The following SPON1 variants were observed in gnomAD, a reference collection of about 807,000 sequenced individuals.
SPON1 encodes the protein spondin-1.
In SPON1, 52 loss-of-function variants were observed where a neutral mutation model predicts 111.7. The ratio of observed to expected loss-of-function variants is 0.47; its 90% CI spans 0.37 to 0.59. SPON1 has a LOEUF of 0.59. Among genes scored for constraint, SPON1 ranks in the 20% least tolerant of loss-of-function variants. SPON1 has a pLI of 0.00. For synonymous variants in SPON1, 410 were observed against 395.8 expected (o/e 1.04, Z -0.43); for missense variants, 957 against 1,068.5 (o/e 0.90, Z 1.46).
At chr11:14,091,879 G>A (rs1251655322) in intron 5 of SPON1, among the ~76,000 whole-genome samples, 1 of 152,186 alleles carries the variant, frequency 6.6e-6, no homozygotes, top group East Asian at 1.9e-4. Context: ...CTGCCAGCAC[G>A]CTGTCACCTC....
At chr11:14,075,918 G>T (rs1469504277) in intron 4 of SPON1, among the ~76,000 whole-genome samples, 2 of 152,098 alleles carry the variant, frequency 1.3e-5, no homozygotes, top group Non-Finnish European at 2.9e-5. Context: ...CCTTAGATTT[G>T]CAAACTTATC....
intron 5 of SPON1, among the ~76,000 whole-genome samples, chr11:14,103,181 T>G (rs1306440389): frequency 1.3e-5 from 2 of 152,140 alleles, no homozygotes; most frequent in Non-Finnish European, 2.9e-5. Context: ...TTTCTTCTAC[T>G]GGGTAACTTA....
chr11:14,202,216 C>T (rs951638459), intron 6 of SPON1, among the ~76,000 whole-genome samples: 1 of 152,172 alleles, frequency 6.6e-6, no homozygotes, highest in Non-Finnish European at 1.5e-5. Context: ...AGAGGGACAC[C>T]TAACATCAGC....
In SPON1 at chr11:14,075,328, G is replaced by T; in HGVS notation, c.480-17G>T. The T allele has an allele frequency of 6.4e-7, 1 of 1,552,872 alleles. No homozygotes were observed. Among genetic ancestry groups the T allele is most frequent in the Non-Finnish European group, 8.7e-7 (1 of 1,146,780 alleles). On this transcript the variant is annotated splice_polypyrimidine_tract_variant and intron_variant, in intron 3 of 15. Coordinates refer to ENST00000576479, the MANE Select transcript of SPON1 (RefSeq NM_006108.4). ...CTGCCCTCCTCACCACTGTGCTTGG[G>T]TCTTCTTTCTTCACAGGGCCAGCAT...
At chr11:14,148,961 G>A (rs1396087200) in intron 6 of SPON1, among the ~76,000 whole-genome samples, 2 of 152,202 alleles carry the variant, frequency 1.3e-5, no homozygotes, top group Non-Finnish European at 2.9e-5. Context: ...TTCAGTCAAC[G>A]ACAGACTGCA....
chr11:14,158,216 G>T (rs1847871580), intron 6 of SPON1, among the ~76,000 whole-genome samples: 1 of 152,060 alleles, frequency 6.6e-6, no homozygotes, highest in South Asian at 2.1e-4. Context: ...TTTACTTATG[G>T]TTCACTCTTA....
At chr11:14,153,405 G>T (rs1293478585) in intron 6 of SPON1, among the ~76,000 whole-genome samples, 1 of 152,132 alleles carries the variant, frequency 6.6e-6, no homozygotes, top group African/African-American at 2.4e-5. Context: ...GAAGGTGAAG[G>T]GGAAGCCAGC....
intron 3 of SPON1, among the ~76,000 whole-genome samples, chr11:14,053,106 C>T (rs188716494): frequency 3.2e-4 from 49 of 152,256 alleles, no homozygotes; most frequent in African/African-American, 9.9e-4. Flanking sequence ...GGGATCAAAA[C>T]GGAATGTTTC....
intron 6 of SPON1, among the ~76,000 whole-genome samples, chr11:14,219,650 C>A (rs1554937419): frequency 6.6e-6 from 1 of 152,118 alleles, no homozygotes; most frequent in Admixed American, 6.5e-5. Context: ...GTCTGCATGA[C>A]CTCTAGAAAG....
intron 3 of SPON1, among the ~76,000 whole-genome samples, chr11:14,050,470 A>G (rs782412875): frequency 5.3e-5 from 8 of 152,214 alleles, no homozygotes; most frequent in Non-Finnish European, 1.0e-4. Flanking sequence ...TGGAGACCAT[A>G]TGTCCTGCAA....
At chr11:14,059,873 A>G (rs2133822588) in intron 3 of SPON1, among the ~76,000 whole-genome samples, 1 of 152,206 alleles carries the variant, frequency 6.6e-6, no homozygotes, top group South Asian at 2.1e-4. Flanking sequence ...GCTTCTGCTA[A>G]TTGTGTTGTC....
intron 2 of SPON1, among the ~76,000 whole-genome samples, chr11:13,990,824 C>T (rs1352450660): frequency 1.3e-5 from 2 of 152,112 alleles, no homozygotes; most frequent in South Asian, 2.1e-4. Flanking sequence ...TTCTCCTTCA[C>T]TTATGAAGCT....
intron 6 of SPON1, among the ~76,000 whole-genome samples, chr11:14,185,399 G>A (rs190314624): frequency 3.7e-4 from 57 of 152,086 alleles, no homozygotes; most frequent in Middle Eastern, 3.4e-3. Flanking sequence ...TGTGCCCCCC[G>A]CTCCTTTCTC....
intron 2 of SPON1, among the ~76,000 whole-genome samples, chr11:13,994,357 T>A (rs1205804985): frequency 2.6e-5 from 4 of 152,176 alleles, no homozygotes; most frequent in African/African-American, 9.6e-5. Context: ...CTAGGACAGG[T>A]TCCTAGAAGT....
intron 2 of SPON1, among the ~76,000 whole-genome samples, chr11:14,015,385 A>G (rs75847491): frequency 1.3e-5 from 2 of 152,260 alleles, no homozygotes; most frequent in East Asian, 3.9e-4. Context: ...AAGCAGTTTC[A>G]TCTCTTAAGA....
chr11:14,131,871 T>C (rs1554927539), intron 5 of SPON1, among the ~76,000 whole-genome samples: 1 of 152,220 alleles, frequency 6.6e-6, no homozygotes, highest in African/African-American at 2.4e-5. Flanking sequence ...GCAAATTGTT[T>C]TTCCATAGGT....
chr11:14,166,338 A>C lies in SPON1; in HGVS notation c.825+30770A>C, dbSNP rs529424386. ...GGAGAAATCAGGTAGAAAAGAACAA[A>C]TATGATCCAAATTTTGTTCACAAGA... On this transcript the variant is annotated intron_variant, in intron 6 of 15. Coordinates refer to ENST00000576479, the MANE Select transcript of SPON1 (RefSeq NM_006108.4). 1.1e-4 allele frequency among the ~76,000 whole-genome samples: 16 copies of C among 152,322 alleles called. No individual in the cohort carries two copies. The East Asian group carries it at 2.9e-3, about 28-fold the overall frequency.
At chr11:14,150,426 G>C (rs1386558388) in intron 6 of SPON1, among the ~76,000 whole-genome samples, 1 of 151,856 alleles carries the variant, frequency 6.6e-6, no homozygotes, top group Non-Finnish European at 1.5e-5. Context: ...ACAATCTACA[G>C]TATGTTTTCA....
intron 1 of SPON1, among the ~76,000 whole-genome samples, chr11:13,975,512 G>A (rs1476548766): frequency 1.3e-5 from 2 of 152,214 alleles, no homozygotes; most frequent in Non-Finnish European, 2.9e-5. Context: ...GAGAGTACAG[G>A]TTATTAGGGG....
Sources: gnomAD v4.1 joint callset for allele counts (sites outside exome capture counted in the v4.1 genomes callset) on GRCh38, gnomAD v4.1.1 for gene constraint, MANE v1.5 for transcripts, NCBI Gene and HGNC (gene_info 2026-07-23, HGNC 2026-07-21) for gene names.